SLC12A2: variants seen among roughly 807,000 people sequenced by gnomAD.
SLC12A2 encodes Na-K-2Cl cotransporter 1.
In SLC12A2, 67 loss-of-function variants were observed where a neutral mutation model predicts 136.3. The observed-to-expected ratio is 0.49, with a 90% CI of 0.40 to 0.60. The LOEUF is 0.60. SLC12A2 is among the 20% of genes least tolerant of loss of function. The pLI, the probability that SLC12A2 is intolerant of heterozygous loss-of-function variation, is 0.00. For synonymous variants in SLC12A2, 619 were observed against 562.9 expected, an observed-to-expected ratio of 1.10 and a Z score of -1.41; for missense variants, 1,322 against 1,534.7, an observed-to-expected ratio of 0.86 and a Z score of 2.32.
At chr5:128,108,776 T>C (rs1761036728) in intron 1 of SLC12A2, among the ~76,000 whole-genome samples, 1 of 152,240 alleles carries the variant, frequency 6.6e-6, no homozygotes, top group Non-Finnish European at 1.5e-5. Context: ...TAGTGAGTTT[T>C]GTGATTTGTG....
chr5:128,088,052 CAT>C (rs1054897459), intron 1 of SLC12A2, among the ~76,000 whole-genome samples: 2 of 70,466 alleles, frequency 2.8e-5, no homozygotes, highest in African/African-American at 8.8e-5. Flanking sequence ...TGTATATAAA[CAT>C]ATGTAAATAT....
chr5:128,149,949 G>T, intron 12 of SLC12A2, 48 bp from the exon 13 acceptor site: 1 of 1,258,530 alleles, frequency 7.9e-7, no homozygotes, highest in Non-Finnish European at 1.2e-6. Flanking sequence ...ATTTTAAAAA[G>T]TTAAATGTCT....
rs944832473 is a variant in SLC12A2, at chr5:128,109,865, A to G, written c.757-2949A>G. Reference sequence around the variant, plus strand: ...TGTGGCCAAATCCCCATGTATTTTAAAAGAGCCAGTGTGCCATGAGAATTG... The same window carrying G: ...TGTGGCCAAATCCCCATGTATTTTAGAAGAGCCAGTGTGCCATGAGAATTG... On this transcript the variant is annotated intron_variant, in intron 1 of 26. Coordinates refer to ENST00000262461, the MANE Select transcript of SLC12A2 (RefSeq NM_001046.3). 18 of 788,714 alleles carry G rather than the reference A, an allele frequency of 2.3e-5. No individual in the cohort carries two copies. The African/African-American group carries it at 2.4e-4, about 10-fold the overall frequency. The allele number at this position is 788,714 out of a possible 1,614,324, so 48.9% of individuals were successfully genotyped here.
chr5:128,138,267 C>A (rs1232722595), intron 7 of SLC12A2, among the ~76,000 whole-genome samples: 1 of 152,114 alleles, frequency 6.6e-6, no homozygotes, highest in African/African-American at 2.4e-5. Flanking sequence ...TCCCTTCTTG[C>A]TTCTTTTACC....
At chr5:128,162,701 G>GA (rs1028592933) in intron 17 of SLC12A2, among the ~76,000 whole-genome samples, 31 of 151,912 alleles carry the variant, frequency 2.0e-4, no homozygotes, top group African/African-American at 7.5e-4. Context: ...GTCAGTAACA[G>GA]AAAAAAAGCG....
chr5:128,111,241 T>G (rs1411101911), intron 1 of SLC12A2, among the ~76,000 whole-genome samples: 1 of 152,192 alleles, frequency 6.6e-6, no homozygotes, highest in Non-Finnish European at 1.5e-5. Flanking sequence ...ATACTTCTAT[T>G]GCTTCAAAAA....
At chr5:128,113,842 GAAT>G (rs1179928583) in intron 2 of SLC12A2, among the ~76,000 whole-genome samples, 1 of 152,116 alleles carries the variant, frequency 6.6e-6, no homozygotes, top group Non-Finnish European at 1.5e-5. Context: ...TGTTATAAAA[GAAT>G]AAGCAAAAGT....
chr5:128,124,191 A>G (rs986568745), intron 4 of SLC12A2, among the ~76,000 whole-genome samples: 3 of 152,200 alleles, frequency 2.0e-5, no homozygotes, highest in Admixed American at 1.3e-4. Flanking sequence ...TAGCAATACT[A>G]CTAGGATCTG....
intron 10 of SLC12A2, among the ~76,000 whole-genome samples, chr5:128,142,670 T>C (rs1161186002): frequency 2.0e-5 from 3 of 152,128 alleles, no homozygotes; most frequent in African/African-American, 7.2e-5. Flanking sequence ...CTGTTGATCT[T>C]CGTGTCTGTC....
chr5:128,150,886 C>T (rs888388246), intron 13 of SLC12A2, among the ~76,000 whole-genome samples: 1 of 151,866 alleles, frequency 6.6e-6, no homozygotes, highest in African/African-American at 2.4e-5. Flanking sequence ...AAAATAAAGC[C>T]TAGTTACTAC....
At chr5:128,113,007 A>C in intron 2 of SLC12A2, 74 bp downstream of exon 2, 1 of 1,295,080 alleles carries the variant, frequency 7.7e-7, no homozygotes, top group Non-Finnish European at 1.0e-6. Context: ...CGTTCTCATC[A>C]GTTCTCAAGA....
chr5:128,165,743 C>T (rs970261656), intron 17 of SLC12A2, among the ~76,000 whole-genome samples: 1 of 152,034 alleles, frequency 6.6e-6, no homozygotes, highest in South Asian at 2.1e-4. Flanking sequence ...CAGAGTACAG[C>T]AAGTTGTTAT....
intron 21 of SLC12A2, chr5:128,178,266 ATTT>A (rs573323878): frequency 1.1e-5 from 2 of 174,856 alleles, no homozygotes; most frequent in African/African-American, 2.4e-5. Context: ...GCTCACTGTA[ATTT>A]TTTTTATTGT....
chr5:128,114,818 A>G, intron 4 of SLC12A2, 137 bp downstream of exon 4: 1 of 586,334 alleles, frequency 1.7e-6, no homozygotes, highest in Non-Finnish European at 3.0e-6. Context: ...GCTACCGAGC[A>G]CTTCCAGACT....
intron 1 of SLC12A2, among the ~76,000 whole-genome samples, chr5:128,101,403 A>G (rs1170014684): frequency 6.6e-6 from 1 of 152,200 alleles, no homozygotes. Flanking sequence ...GTTAAACCAT[A>G]TAAGAAATTT....
chr5:128,184,850 T>G lies in SLC12A2; in HGVS notation c.3497T>G (p.Ile1166Ser). The change falls in exon 26 of 27, where the codon ATT becomes AGT. Residue 1166 changes from isoleucine (I) to serine (S), a missense_variant. Ile to Ser is a moderately radical substitution (Grantham distance 142). Coordinates refer to ENST00000262461, the MANE Select transcript of SLC12A2 (RefSeq NM_001046.3). ...LKEHSSTANI[I>S]VMSLPVARKG... Reference sequence around the variant, plus strand: ...GAACATTCAAGCACAGCTAATATTATTGTCATGTAAGTAATATCTTTATAA... The same window carrying G: ...GAACATTCAAGCACAGCTAATATTAGTGTCATGTAAGTAATATCTTTATAA... The G allele has an allele frequency of 1.3e-6, 2 of 1,595,072 alleles. No homozygotes were observed. Among genetic ancestry groups the G allele is most frequent in the Non-Finnish European group, 1.7e-6 (2 of 1,163,166 alleles).
intron 1 of SLC12A2, among the ~76,000 whole-genome samples, chr5:128,111,435 T>C (rs1761140420): frequency 6.6e-6 from 1 of 152,160 alleles, no homozygotes; most frequent in Non-Finnish European, 1.5e-5. Context: ...TGCACTGTGG[T>C]AGCACAGAAC....
At chr5:128,166,699 T>G (rs1763215002) in intron 17 of SLC12A2, among the ~76,000 whole-genome samples, 1 of 152,056 alleles carries the variant, frequency 6.6e-6, no homozygotes, top group South Asian at 2.1e-4. Context: ...AATTTCTGTT[T>G]GGGGTGATGA....
chr5:128,134,024 C>G (rs1011006254), intron 5 of SLC12A2, 141 bp from the exon 6 acceptor site: 2 of 515,552 alleles, frequency 3.9e-6, no homozygotes, highest in African/African-American at 3.9e-5. Flanking sequence ...TCCTTTAGGT[C>G]TTCCATTTAT....
Sources: gnomAD v4.1 joint callset for allele counts (sites outside exome capture counted in the v4.1 genomes callset) on GRCh38, gnomAD v4.1.1 for gene constraint, MANE v1.5 for transcripts, NCBI Gene and HGNC (gene_info 2026-07-23, HGNC 2026-07-21) for gene names.